The following ARHGEF7 variants were observed in gnomAD, a reference collection of about 807,000 sequenced individuals.
ARHGEF7 encodes Rho guanine nucleotide exchange factor 7.
ARHGEF7 carries 33 observed loss-of-function variants against 109.8 expected under a neutral mutation model. That is an observed-to-expected ratio of 0.30 (90% confidence interval 0.23 to 0.40). The LOEUF is 0.40. Among genes scored for constraint, ARHGEF7 ranks in the 10% least tolerant of loss-of-function variants. The pLI is 1.00. For missense variants in ARHGEF7, 938 were observed against 1,098.5 expected (o/e 0.85, Z 2.07); for synonymous variants, 458 against 424.6 (o/e 1.08, Z -0.97).
intron 2 of ARHGEF7, among the ~76,000 whole-genome samples, chr13:111,155,588 A>G (rs1166119001): frequency 6.6e-6 from 1 of 152,236 alleles, no homozygotes; most frequent in Admixed American, 6.5e-5. Context: ...TTTGTAATCC[A>G]GCTGCCTTAT....
At chr13:111,181,416 T>C (rs1454151967) in intron 2 of ARHGEF7, among the ~76,000 whole-genome samples, 2 of 152,142 alleles carry the variant, frequency 1.3e-5, no homozygotes, top group African/African-American at 2.4e-5. Context: ...GTGGAGGTCA[T>C]TTTGTAGGAC....
chr13:111,158,837 G>C (rs943746526), intron 2 of ARHGEF7, among the ~76,000 whole-genome samples: 5 of 152,188 alleles, frequency 3.3e-5, no homozygotes, highest in African/African-American at 1.2e-4. Context: ...GAACATATCC[G>C]TTACCTCACA....
intron 18 of ARHGEF7, among the ~76,000 whole-genome samples, chr13:111,289,195 C>T (rs1053095515): frequency 6.6e-6 from 1 of 152,142 alleles, no homozygotes; most frequent in African/African-American, 2.4e-5. Context: ...CCACGCCCGG[C>T]TAATTTTTTT....
chr13:111,224,386 G>A (rs1042209194), intron 5 of ARHGEF7, among the ~76,000 whole-genome samples: 2 of 152,226 alleles, frequency 1.3e-5, no homozygotes, highest in African/African-American at 2.4e-5. Context: ...AACACACCTC[G>A]TGCTCTGTGT....
chr13:111,182,849 G>A (rs1229545872), intron 2 of ARHGEF7, among the ~76,000 whole-genome samples: 1 of 152,180 alleles, frequency 6.6e-6, no homozygotes, highest in Non-Finnish European at 1.5e-5. Flanking sequence ...TAGAAACAGT[G>A]CTTCGAGTAC....
intron 2 of ARHGEF7, among the ~76,000 whole-genome samples, chr13:111,176,797 C>T (rs1566718245): frequency 6.6e-6 from 1 of 152,214 alleles, no homozygotes; most frequent in African/African-American, 2.4e-5. Context: ...ACTCTTGTCA[C>T]CCAGGCTGGA....
chr13:111,211,447 T>C (rs2082483500), intron 4 of ARHGEF7, among the ~76,000 whole-genome samples: 1 of 152,220 alleles, frequency 6.6e-6, no homozygotes, highest in South Asian at 2.1e-4. Flanking sequence ...TGTATAATTT[T>C]AAGTAAAATA....
chr13:111,212,472 T>G (rs2082621314), intron 4 of ARHGEF7, among the ~76,000 whole-genome samples: 1 of 152,208 alleles, frequency 6.6e-6, no homozygotes, highest in Non-Finnish European at 1.5e-5. Flanking sequence ...TGCTGTGCTT[T>G]TAGTCTTCAA....
chr13:111,296,789 A>G (rs1595619591), intron 19 of ARHGEF7, among the ~76,000 whole-genome samples: 1 of 152,320 alleles, frequency 6.6e-6, no homozygotes, highest in Non-Finnish European at 1.5e-5. Context: ...GTACTGTGCT[A>G]AGGGTGCGCT....
At chr13:111,194,374 G>A (rs939679239) in intron 2 of ARHGEF7, among the ~76,000 whole-genome samples, 2 of 152,186 alleles carry the variant, frequency 1.3e-5, no homozygotes, top group African/African-American at 2.4e-5. Flanking sequence ...ATTAGAGTAT[G>A]GAGGGGCCTG....
chr13:111,221,351 G>GTCTATATATATCTATATATATA lies in ARHGEF7; in HGVS notation c.670+3482_670+3483insCTATATATATATCTATATATAT, dbSNP rs1566871443. Reference sequence around the variant, plus strand: ...TATGTCTATATATATCTATATATATGTCTATATATATATCTATATATATAT... The same window carrying GTCTATATATATCTATATATATA: ...TATGTCTATATATATCTATATATATGTCTATATATATCTATATATATATCTATATATATATCTATATATATAT... On this transcript the variant is annotated intron_variant, in intron 5 of 21. Transcript: ENST00000646102. 6.0e-3 allele frequency among the ~76,000 whole-genome samples: 60 copies of GTCTATATATATCTATATATATA among 9,954 alleles called. 25 individuals carry two copies. Among genetic ancestry groups the GTCTATATATATCTATATATATA allele is most frequent in the East Asian group, 0.037 (25 of 676 alleles). The allele number at this position is 9,954 out of a possible 152,430, so 6.5% of individuals were successfully genotyped here. A position where few individuals can be genotyped will look rare whatever the true frequency, so the allele number is the denominator to read the frequency against.
chr13:111,189,172 T>G (rs1033054119), intron 2 of ARHGEF7, among the ~76,000 whole-genome samples: 5 of 152,214 alleles, frequency 3.3e-5, no homozygotes, highest in Non-Finnish European at 5.9e-5. Context: ...CAGGGTGCTT[T>G]CTTTCAGCTT....
At chr13:111,267,493 A>T (rs779770485) in intron 8 of ARHGEF7, 55 bp from the exon 9 acceptor site, 1 of 1,607,092 alleles carries the variant, frequency 6.2e-7, no homozygotes. Flanking sequence ...GTCAGTTAGC[A>T]GTTGTCCTGT....
Position 111,265,029 on chromosome 13 carries a change from C to G in ARHGEF7, c.951-2519C>G, listed in dbSNP as rs943777523. Among the ~76,000 whole-genome samples, 8 of 146,848 alleles carry G rather than the reference C, an allele frequency of 5.4e-5. 1 individual carries two copies. The highest frequency in any genetic ancestry group is 2.0e-4 in the African/African-American group (8 of 39,322). ...ATCCCAGCTACTCGGGAGGCTGAGA[C>G]ACGAGAATCGCTTGAACCGGGAAGG... is the stretch of plus-strand genomic sequence containing the variant. On this transcript the variant is annotated intron_variant, in intron 8 of 21. Coordinates refer to ENST00000646102, the MANE Select transcript of ARHGEF7 (RefSeq NM_001354046.2).
intron 5 of ARHGEF7, among the ~76,000 whole-genome samples, chr13:111,221,237 A>ATC (rs1172427775): frequency 1.3e-4 from 7 of 54,196 alleles, no homozygotes; most frequent in Non-Finnish European, 2.2e-4. Flanking sequence ...CTATATAGAT[A>ATC]TATATGTCTA....
Position 111,283,327 on chromosome 13 carries a change from T to C in ARHGEF7, c.1914T>C (p.Pro638=). 6.4e-7 allele frequency: 1 copy of C among 1,557,472 alleles called. No individual in the cohort carries two copies. Among genetic ancestry groups the C allele is most frequent in the Non-Finnish European group, 8.7e-7 (1 of 1,155,492 alleles). The part of the protein sequence containing the change: ...PWSLSCLRPA[P]PLRPSAALCY... ...GCCTGAGCTGCCTGCGGCCCGCGCC[T>C]CCCCTCCGGCCCTCAGCTGCTCTCT... The change falls in exon 16 of 22, where the codon CCT becomes CCC. Residue 638 remains proline, a synonymous_variant. Transcript: ENST00000646102.
chr13:111,175,338 A>C lies in ARHGEF7; in HGVS notation c.252+21347A>C, dbSNP rs547425841. Among the ~76,000 whole-genome samples the C allele has an allele frequency of 1.9e-3, 292 of 152,336 alleles. 4 individuals are homozygous for C. Among genetic ancestry groups the C allele is most frequent in the Non-Finnish European group, 1.8e-3 (124 of 68,036 alleles). ...CCTGGCGCTGATGGAAGCCATGAAG[A>C]AGACAGAGTGAGGGGAGAGTGAGGG... On this transcript the variant is annotated intron_variant, in intron 2 of 21. Coordinates refer to ENST00000646102, the MANE Select transcript of ARHGEF7 (RefSeq NM_001354046.2).
At chr13:111,237,334 A>G (rs964604135) in intron 6 of ARHGEF7, among the ~76,000 whole-genome samples, 3 of 152,240 alleles carry the variant, frequency 2.0e-5, no homozygotes, top group Non-Finnish European at 4.4e-5. Context: ...TTGAAAAAAA[A>G]TAGTTAAACT....
chr13:111,231,611 T>C (rs1387739591), intron 5 of ARHGEF7, among the ~76,000 whole-genome samples: 1 of 152,150 alleles, frequency 6.6e-6, no homozygotes, highest in African/African-American at 2.4e-5. Flanking sequence ...GTGCAGATCC[T>C]GAGGAGGCAG....
Sources: allele counts gnomAD v4.1 joint callset (sites outside exome capture counted in the v4.1 genomes callset), GRCh38; gene constraint gnomAD v4.1.1; transcripts MANE v1.5; gene names NCBI Gene and HGNC (gene_info 2026-07-23, HGNC 2026-07-21).